LOXL1: variants seen among roughly 807,000 people sequenced by gnomAD.
LOXL1 encodes the protein lysyl oxidase homolog 1.
LOXL1 carries 31 observed loss-of-function variants against 62.2 expected under a neutral mutation model. That is an observed-to-expected ratio of 0.50 (90% CI 0.37 to 0.67). The LOEUF is 0.67. Among genes scored for constraint, LOXL1 ranks in the 30% least tolerant of loss-of-function variants. The pLI is 0.00. For missense variants in LOXL1, 775 were observed against 843.4 expected, an observed-to-expected ratio of 0.92 and a Z score of 1.00; for synonymous variants, 403 against 384.4, an observed-to-expected ratio of 1.05 and a Z score of -0.56.
intron 1 of LOXL1, among the ~76,000 whole-genome samples, chr15:73,937,616 G>A (rs79631148): frequency 0.039 from 5,979 of 152,328 alleles, 287 homozygotes; most frequent in East Asian, 0.24. Flanking sequence ...CGAGTCAGGT[G>A]GAGGACAATT....
intron 1 of LOXL1, among the ~76,000 whole-genome samples, chr15:73,938,059 G>A (rs1024175730): frequency 6.6e-6 from 1 of 152,190 alleles, no homozygotes; most frequent in African/African-American, 2.4e-5. Context: ...GGCCAAGGCG[G>A]GTGGAACACT....
At chr15:73,939,527 A>G (rs892263464) in intron 1 of LOXL1, among the ~76,000 whole-genome samples, 1 of 152,242 alleles carries the variant, frequency 6.6e-6, no homozygotes, top group Admixed American at 6.5e-5. Flanking sequence ...GGTAAGAGTG[A>G]TTCCATTTAA....
At chr15:73,951,689 C>T (rs905668198) in intron 6 of LOXL1, 142 bp from the exon 7 acceptor site, 36 of 642,090 alleles carry the variant, frequency 5.6e-5, no homozygotes, top group East Asian at 1.9e-4. Context: ...CTGAGGGGGT[C>T]GGAACTTTCT....
chr15:73,949,513 G>A lies in LOXL1; in HGVS notation c.1657G>A (p.Val553Met). ...VLESDFTNNV[V>M]RCNIHYTGRY... is the part of the protein sequence containing the mutation. The stretch of plus-strand genomic sequence containing the variant: ...GGAGTCTGACTTCACCAACAACGTG[G>A]TGAGATGCAACATTCACTACACAGG... Residue 553 changes from valine to methionine, a missense_variant, in exon 6 of 7, where the codon GTG (valine) becomes ATG (methionine). By Grantham distance (21) the Val-to-Met change is conservative (BLOSUM62 1). Transcript: ENST00000261921. 1.2e-6 allele frequency: 2 copies of A among 1,614,140 alleles called. No homozygotes were observed. Among genetic ancestry groups the A allele is most frequent in the Non-Finnish European group, 1.7e-6 (2 of 1,180,020 alleles).
At chr15:73,951,634 C>T (rs928026508) in intron 6 of LOXL1, among the ~76,000 whole-genome samples, 197 bp from the exon 7 acceptor site, 5 of 152,294 alleles carry the variant, frequency 3.3e-5, no homozygotes, top group African/African-American at 7.2e-5. Context: ...GAGACTGTGC[C>T]CTGGGTGGGT....
At chr15:73,939,343 G>A (rs761473677) in intron 1 of LOXL1, among the ~76,000 whole-genome samples, 1 of 152,170 alleles carries the variant, frequency 6.6e-6, no homozygotes, top group Non-Finnish European at 1.5e-5. Context: ...GGTGAGGCGG[G>A]GGGGCCTGGC....
rs2068581702 is a variant in LOXL1 at position 73,926,853 on chromosome 15, C to T, written c.70C>T (p.His24Tyr). 3 of 1,544,704 alleles carry T rather than the reference C, an allele frequency of 1.9e-6. No homozygotes were observed. Among genetic ancestry groups the T allele is most frequent in the Non-Finnish European group, 2.6e-6 (3 of 1,144,390 alleles). Residue 24 changes from histidine (H) to tyrosine (Y), a missense_variant, in exon 1 of 7, where the codon CAC (histidine) becomes TAC (tyrosine). Transcript: ENST00000261921. ...VWGACLCVLV[H>Y]GQQAQPGQGS... The stretch of plus-strand genomic sequence containing the variant: ...GGGCGCCTGCCTGTGCGTGCTGGTG[C>T]ACGGGCAGCAGGCGCAGCCCGGGCA...
At chr15:73,947,348 GTCT>G in intron 4 of LOXL1, 125 bp downstream of exon 4, 6 of 1,082,430 alleles carry the variant, frequency 5.5e-6, no homozygotes, top group Non-Finnish European at 7.9e-6. Flanking sequence ...CACAGTGAAG[GTCT>G]TCTCACCAGT....
chr15:73,936,420 G>A (rs1281913833), intron 1 of LOXL1, among the ~76,000 whole-genome samples: 2 of 152,156 alleles, frequency 1.3e-5, no homozygotes, highest in African/African-American at 4.8e-5. Flanking sequence ...TTTATTCAAG[G>A]CCCTGCTCTG....
rs758963349 is a variant in LOXL1 at position 73,926,969 on chromosome 15, G to A, written c.186G>A (p.Val62=). ...YSLLNSGSEY[V]PAGPQRSESS... is the part of the protein sequence containing the mutation. Reference sequence around the variant, plus strand: ...TGCTCAACTCGGGCTCAGAGTACGTGCCGGCCGGACCTCAGCGCTCCGAGA... The same window carrying A: ...TGCTCAACTCGGGCTCAGAGTACGTACCGGCCGGACCTCAGCGCTCCGAGA... The change falls in exon 1 of 7, where the codon GTG becomes GTA. Residue 62 remains valine (V), a synonymous_variant. Transcript: ENST00000261921. 3.3e-6 allele frequency: 5 copies of A among 1,533,186 alleles called. No individual in the cohort carries two copies. The Admixed American group carries it at 8.1e-5, about 25-fold the overall frequency. The allele number at this position is 1,533,186 out of a possible 1,614,324, so 95.0% of individuals were successfully genotyped here. A position where few individuals can be genotyped will look rare whatever the true frequency, so the allele number is the denominator to read the frequency against.
intron 6 of LOXL1, among the ~76,000 whole-genome samples, chr15:73,950,805 C>T (rs1352666554): frequency 2.0e-5 from 3 of 152,238 alleles, no homozygotes; most frequent in Non-Finnish European, 4.4e-5. Flanking sequence ...TGGTTGCTAC[C>T]ATCAACCTAA....
At chr15:73,929,884 TG>T (rs1407741342) in intron 1 of LOXL1, among the ~76,000 whole-genome samples, 1 of 152,212 alleles carries the variant, frequency 6.6e-6, no homozygotes, top group Non-Finnish European at 1.5e-5. Flanking sequence ...GCCTGGGACT[TG>T]GCATCTGGGC....
At position 73,949,524 on chromosome 15, in the gene LOXL1, C is replaced by T; in HGVS notation, c.1668C>T (p.Asn556=). Residue 556 remains asparagine (N), a synonymous_variant, in exon 6 of 7, where the codon AAC becomes AAT. Transcript: ENST00000261921. The part of the protein sequence containing the change: ...SDFTNNVVRC[N]IHYTGRYVSA... ...TCACCAACAACGTGGTGAGATGCAA[C>T]ATTCACTACACAGGTCGCTACGTTT... is the stretch of plus-strand genomic sequence containing the variant. 6.2e-7 allele frequency: 1 copy of T among 1,614,140 alleles called. No individual in the cohort carries two copies. Among genetic ancestry groups the T allele is most frequent in the Non-Finnish European group, 8.5e-7 (1 of 1,179,996 alleles).
At chr15:73,940,024 C>T (rs12594324) in intron 1 of LOXL1, among the ~76,000 whole-genome samples, 13,066 of 152,206 alleles carry the variant, frequency 0.086, 1,027 homozygotes, top group East Asian at 0.24. Context: ...CAGTCAGTCA[C>T]CCTCAAAACA....
chr15:73,927,647 G>C lies in LOXL1; in HGVS notation c.864G>C (p.Gln288His). The change falls in exon 1 of 7, where the codon CAG becomes CAC. Residue 288 changes from glutamine (Q) to histidine (H), a missense_variant. Physicochemically the swap from Gln to His is conservative, Grantham distance 24. Transcript: ENST00000261921. ...GCGAGGGCACCCCCGGCTTCGAGCA[G>C]GCCTACCCTGACCCCGGTCCCGAGG... is the stretch of plus-strand genomic sequence containing the variant. Reference protein sequence around the residue: ...LYSEGTPGFEQAYPDPGPEAA... With the variant: ...LYSEGTPGFEHAYPDPGPEAA... 1 of 1,489,876 alleles carries C rather than the reference G, an allele frequency of 6.7e-7. No individual in the cohort carries two copies. Among genetic ancestry groups the C allele is most frequent in the Non-Finnish European group, 8.9e-7 (1 of 1,126,966 alleles). The allele number at this position is 1,489,876 out of a possible 1,614,324, so 92.3% of individuals were successfully genotyped here. A position where few individuals can be genotyped will look rare whatever the true frequency, so the allele number is the denominator to read the frequency against.
chr15:73,936,482 G>A (rs748356698), intron 1 of LOXL1, among the ~76,000 whole-genome samples: 1 of 152,176 alleles, frequency 6.6e-6, no homozygotes, highest in African/African-American at 2.4e-5. Context: ...GTCTGGCTGC[G>A]CTAGCCAAAA....
chr15:73,943,988 T>TA (rs900638129), intron 2 of LOXL1, among the ~76,000 whole-genome samples: 1 of 152,168 alleles, frequency 6.6e-6, no homozygotes, highest in Admixed American at 6.5e-5. Context: ...AGTCTTGCTT[T>TA]AAAAAAAGAA....
At position 73,933,574 on chromosome 15, in the gene LOXL1, C is replaced by G. The variant is rs550692845; in HGVS notation, c.1102+5689C>G. Among the ~76,000 whole-genome samples, 4 of 152,362 alleles carry G rather than the reference C, an allele frequency of 2.6e-5. No individual in the cohort carries two copies. In the South Asian group the frequency reaches 8.3e-4, roughly 32 times the overall value. On this transcript the variant is annotated intron_variant, in intron 1 of 6. Transcript: ENST00000261921. Reference sequence around the variant, plus strand: ...GAGCTCTGGCTTTTTGTCCTCTCTCCTTCCTCCTAACCTCAGGGGTCCTCA... The same window carrying G: ...GAGCTCTGGCTTTTTGTCCTCTCTCGTTCCTCCTAACCTCAGGGGTCCTCA...
intron 1 of LOXL1, among the ~76,000 whole-genome samples, chr15:73,935,166 T>C (rs2068662245): frequency 6.6e-6 from 1 of 152,152 alleles, no homozygotes; most frequent in South Asian, 2.1e-4. Flanking sequence ...CATGGGTCCC[T>C]GACTGCTAAA....
Sources: gnomAD v4.1 joint callset for allele counts (sites outside exome capture counted in the v4.1 genomes callset) on GRCh38, gnomAD v4.1.1 for gene constraint, MANE v1.5 for transcripts, NCBI Gene and HGNC (gene_info 2026-07-23, HGNC 2026-07-21) for gene names.